The following ARHGEF10 variants were observed in gnomAD, a reference collection of about 807,000 sequenced individuals.
ARHGEF10 encodes Rho guanine nucleotide exchange factor 10, also known as Rho guanine nucleotide exchange factor (GEF) 10.
Under a neutral mutation model 147.4 loss-of-function variants are expected in ARHGEF10, and 140 were observed. The observed-to-expected ratio is 0.95, with a 90% confidence interval of 0.83 to 1.09. ARHGEF10 has a LOEUF of 1.09. Ranked by LOEUF, ARHGEF10 falls within the 50% of genes least tolerant of loss-of-function variation. The probability of loss-of-function intolerance (pLI) is 0.00; values close to 1 mark genes in which losing one functional copy is unlikely to be tolerated. For missense variants in ARHGEF10, 2,222 were observed against 1,752.7 expected (o/e 1.27, Z -4.78); for synonymous variants, 902 against 695.8 (o/e 1.30, Z -4.67).
chr8:1,844,535 G>A (rs928867543), intron 2 of ARHGEF10, among the ~76,000 whole-genome samples: 3 of 136,358 alleles, frequency 2.2e-5, no homozygotes, highest in Admixed American at 7.5e-5. Flanking sequence ...TCCTGCTGCC[G>A]GGGGTCTGCG....
intron 18 of ARHGEF10, among the ~76,000 whole-genome samples, chr8:1,910,843 C>G (rs111779046): frequency 6.6e-6 from 1 of 151,930 alleles, no homozygotes; most frequent in African/African-American, 2.4e-5. Context: ...TTAAGATGGC[C>G]TTATTGTATT....
Position 1,909,353 on chromosome 8 carries a change from C to G in ARHGEF10, c.2026C>G (p.Pro676Ala), listed in dbSNP as rs1318480183. 2 of 1,614,208 alleles carry G rather than the reference C, an allele frequency of 1.2e-6. No homozygotes were observed. The highest frequency in any genetic ancestry group is 1.7e-6 in the Non-Finnish European group (2 of 1,180,042). Residue 676 changes from proline (P) to alanine (A), a missense_variant, in exon 18 of 29, where the codon CCA (proline) becomes GCA (alanine). By Grantham distance (27) the Pro-to-Ala change is conservative. Transcript: ENST00000349830. The part of the protein sequence containing the change: ...SQRYLLKWSV[P>A]LGHVDAIEYG... ...GAGGTACTTGCTGAAGTGGAGCGTT[C>G]CACTGGGACATGTGGACGCCATCGA...
rs571130153 is a variant in ARHGEF10 at position 1,838,055 on chromosome 8, C to T, written c.-47-5298C>T. Among the ~76,000 whole-genome samples the T allele has an allele frequency of 3.3e-5, 5 of 152,314 alleles. No homozygotes were observed. In the South Asian group the frequency reaches 1.0e-3, roughly 32 times the overall value. Reference sequence around the variant, plus strand: ...AGAGTTCAGGGCGTTTATTCATTGTCTCCTCTTCGTATGGTGGATGCGTCT... The same window carrying T: ...AGAGTTCAGGGCGTTTATTCATTGTTTCCTCTTCGTATGGTGGATGCGTCT... On this transcript the variant is annotated intron_variant, in intron 1 of 28. Coordinates refer to ENST00000349830, the MANE Select transcript of ARHGEF10 (RefSeq NM_014629.4).
chr8:1,926,870 A>C (rs1405455949), intron 23 of ARHGEF10: 1 of 307,786 alleles, frequency 3.2e-6, no homozygotes, highest in East Asian at 9.0e-5. Context: ...TTGCATCTGA[A>C]ATTAGGCTGG....
intron 17 of ARHGEF10, 30 bp from the exon 18 acceptor site, chr8:1,909,265 C>G: frequency 6.2e-7 from 1 of 1,614,086 alleles, no homozygotes; most frequent in Non-Finnish European, 8.5e-7. Flanking sequence ...TGTAATTATT[C>G]GTAAAACAAG....
At chr8:1,837,278 T>TTA (rs5888903) in intron 1 of ARHGEF10, among the ~76,000 whole-genome samples, 1 of 152,066 alleles carries the variant, frequency 6.6e-6, no homozygotes, top group Non-Finnish European at 1.5e-5. Flanking sequence ...GGGCATGCTC[T>TTA]CTGCACAGGG....
At chr8:1,955,692 G>T (rs945081063) in intron 28 of ARHGEF10, among the ~76,000 whole-genome samples, 1 of 152,170 alleles carries the variant, frequency 6.6e-6, no homozygotes. Context: ...CTTCCTGAAA[G>T]GACGTGCACT....
intron 2 of ARHGEF10, among the ~76,000 whole-genome samples, chr8:1,850,311 TG>T (rs1805016051): frequency 8.9e-6 from 1 of 111,856 alleles, no homozygotes; most frequent in Non-Finnish European, 1.8e-5. Flanking sequence ...CGGCAAATGC[TG>T]AGGAGGGCGT....
In ARHGEF10 at chr8:1,956,946, G is replaced by C; in HGVS notation, c.3718G>C (p.Ala1240Pro). The part of the protein sequence containing the change: ...SSLSQGDPDA[A>P]IWLGDSLGSM... ...TCTGAGCCAGGGTGACCCTGACGCA[G>C]CCATCTGGTTGGGAGATTCGCTGGG... is the stretch of plus-strand genomic sequence containing the variant. Residue 1240 changes from alanine to proline, a missense_variant, in exon 29 of 29, where the codon GCC (alanine) becomes CCC (proline). Ala to Pro is a conservative substitution (Grantham distance 27). Coordinates refer to ENST00000349830, the MANE Select transcript of ARHGEF10 (RefSeq NM_014629.4). 1 of 1,614,198 alleles carries C rather than the reference G, an allele frequency of 6.2e-7. No homozygotes were observed.
At chr8:1,893,756 A>C (rs1809741490) in intron 12 of ARHGEF10, 110 bp downstream of exon 12, 1 of 862,742 alleles carries the variant, frequency 1.2e-6, no homozygotes, top group Non-Finnish European at 1.9e-6. Flanking sequence ...CATAACATGC[A>C]AATTTGCAAA....
intron 18 of ARHGEF10, among the ~76,000 whole-genome samples, chr8:1,919,612 GTTCTGTCAAGTGACA>G (rs1419056241): frequency 4.8e-5 from 7 of 147,276 alleles, no homozygotes; most frequent in Non-Finnish European, 6.0e-5. Context: ...GTGATAAACT[GTTCTGTCAAGTGACA>G]GAGCTGTTCT....
At chr8:1,851,036 G>A (rs1334919370) in intron 2 of ARHGEF10, among the ~76,000 whole-genome samples, 1 of 152,184 alleles carries the variant, frequency 6.6e-6, no homozygotes, top group Non-Finnish European at 1.5e-5. Context: ...GGGGTTTGCG[G>A]GGGGGAGGGG....
At chr8:1,914,050 G>A (rs1811574018) in intron 18 of ARHGEF10, among the ~76,000 whole-genome samples, 1 of 152,144 alleles carries the variant, frequency 6.6e-6, no homozygotes, top group Non-Finnish European at 1.5e-5. Flanking sequence ...AATTCACACG[G>A]TTTTAAAAAA....
In ARHGEF10 at chr8:1,880,100, A is replaced by G. The variant is rs368730891; in HGVS notation, c.896A>G (p.Asp299Gly). The stretch of plus-strand genomic sequence containing the variant: ...GAGCACTATGAGAAAAAGATGAGAG[A>G]TTTGATGGCAAGCACGGTGGGCGTG... ...LKEHYEKKMR[D>G]LMASTVGVVE... The change falls in exon 9 of 29, where the codon GAT becomes GGT. Residue 299 changes from aspartate (D) to glycine (G), a missense_variant. By Grantham distance (94) the Asp-to-Gly change is moderately conservative (BLOSUM62 -1). Coordinates refer to ENST00000349830, the MANE Select transcript of ARHGEF10 (RefSeq NM_014629.4). 27 of 1,614,036 alleles carry G rather than the reference A, an allele frequency of 1.7e-5. No homozygotes were observed. Among genetic ancestry groups the G allele is most frequent in the Admixed American group, 3.3e-5 (2 of 60,002 alleles).
intron 1 of ARHGEF10, among the ~76,000 whole-genome samples, chr8:1,827,665 C>G (rs981697061): frequency 2.0e-5 from 3 of 152,080 alleles, no homozygotes; most frequent in Admixed American, 1.3e-4. Flanking sequence ...CCATTTCCTG[C>G]TTTTTGTTGT....
At chr8:1,912,872 G>A (rs1374364174) in intron 18 of ARHGEF10, among the ~76,000 whole-genome samples, 3 of 152,208 alleles carry the variant, frequency 2.0e-5, no homozygotes, top group African/African-American at 2.4e-5. Context: ...GACTGGTGGC[G>A]GGGAGGAGGA....
At chr8:1,930,944 C>G (rs1813090547) in intron 25 of ARHGEF10, among the ~76,000 whole-genome samples, 1 of 152,256 alleles carries the variant, frequency 6.6e-6, no homozygotes, top group African/African-American at 2.4e-5. Context: ...GGTTGCCTCC[C>G]TCTCATCCGG....
chr8:1,844,608 A>G (rs1036285274), intron 2 of ARHGEF10, among the ~76,000 whole-genome samples: 1 of 152,076 alleles, frequency 6.6e-6, no homozygotes. Flanking sequence ...ACCACGGGGT[A>G]CGGGACCCGG....
At chr8:1,847,332 G>T (rs1804636779) in intron 2 of ARHGEF10, among the ~76,000 whole-genome samples, 1 of 152,154 alleles carries the variant, frequency 6.6e-6, no homozygotes, top group South Asian at 2.1e-4. Context: ...AGACCTAGCT[G>T]GTAAGCACTC....
Sources: allele counts gnomAD v4.1 joint callset (sites outside exome capture counted in the v4.1 genomes callset), GRCh38; gene constraint gnomAD v4.1.1; transcripts MANE v1.5; gene names NCBI Gene and HGNC (gene_info 2026-07-23, HGNC 2026-07-21).